TRIM35: variants seen among roughly 807,000 people sequenced by gnomAD.
The protein encoded by TRIM35 is E3 ubiquitin-protein ligase TRIM35.
TRIM35 carries 37 observed loss-of-function variants against 49.1 expected under a neutral mutation model. The ratio of observed to expected loss-of-function variants is 0.75; its 90% confidence interval spans 0.58 to 0.99. The LOEUF (loss-of-function observed/expected upper bound fraction) is 0.99. TRIM35 is among the 50% of genes least tolerant of loss of function. The pLI is 0.00. For missense variants in TRIM35, 648 were observed against 702.7 expected, an observed-to-expected ratio of 0.92 and a Z score of 0.88; for synonymous variants, 302 against 289.3, an observed-to-expected ratio of 1.04 and a Z score of -0.45.
intron 1 of TRIM35, among the ~76,000 whole-genome samples, chr8:27,303,276 T>A (rs1802715718): frequency 6.6e-6 from 1 of 152,250 alleles, no homozygotes; most frequent in Admixed American, 6.5e-5. Context: ...CCGATATGTT[T>A]GCATTTAAAT....
intron 1 of TRIM35, among the ~76,000 whole-genome samples, chr8:27,304,596 A>C (rs1802745492): frequency 1.3e-5 from 2 of 152,212 alleles, no homozygotes; most frequent in African/African-American, 4.8e-5. Context: ...TCTACCTTGC[A>C]TAGTGGTGCT....
In TRIM35 at chr8:27,285,805, C is replaced by A. The variant is rs76851225; in HGVS notation, c.*1745G>T. The A allele has an allele frequency of 2.0e-3, 323 of 160,878 alleles. 1 individual carries two copies. The highest frequency in any genetic ancestry group is 7.5e-3 in the African/African-American group (312 of 41,722). The allele number at this position is 160,878 out of a possible 1,614,324, so 10.0% of individuals were successfully genotyped here. ...ATTATATTAATGGGTGGGATAAATA[C>A]TTTACAGGAGAGGGTCACACTCTCA... On this transcript the variant is annotated 3_prime_UTR_variant, in exon 6 of 6. Transcript: ENST00000305364.
intron 2 of TRIM35, among the ~76,000 whole-genome samples, chr8:27,298,260 C>A (rs1802610007): frequency 6.6e-6 from 1 of 152,160 alleles, no homozygotes; most frequent in African/African-American, 2.4e-5. Flanking sequence ...GCTGGCATGA[C>A]CACGCCTGGG....
chr8:27,296,195 TGTGCAGGAC>T (rs1002142817), intron 2 of TRIM35, among the ~76,000 whole-genome samples: 2 of 150,052 alleles, frequency 1.3e-5, no homozygotes, highest in Non-Finnish European at 3.0e-5. Context: ...CCAGGATACA[TGTGCAGGAC>T]ATGCAGGTTT....
At chr8:27,290,101 C>A in intron 4 of TRIM35, 55 bp downstream of exon 4, 2 of 1,611,264 alleles carry the variant, frequency 1.2e-6, no homozygotes, top group Non-Finnish European at 1.7e-6. Context: ...GGAGTTTGCA[C>A]CCCTGGTATT....
chr8:27,307,893 T>C (rs771215438), intron 1 of TRIM35, among the ~76,000 whole-genome samples: 14 of 152,216 alleles, frequency 9.2e-5, no homozygotes, highest in Non-Finnish European at 1.3e-4. Flanking sequence ...CCCCAGAATC[T>C]TGTATGGCAA....
At position 27,310,924 on chromosome 8, in the gene TRIM35, G is replaced by A. The variant is rs573527374; in HGVS notation, c.312C>T (p.His104=). 1.2e-6 allele frequency: 2 copies of A among 1,612,670 alleles called. No homozygotes were observed. The highest frequency in any genetic ancestry group is 1.7e-6 in the Non-Finnish European group (2 of 1,179,812). The part of the protein sequence containing the change: ...SYRFSRVCRL[H]RGQLSLFCLE... ...GGCAGAAGAGGCTGAGCTGTCCGCG[G>A]TGCAGGCGGCAGACACGCGAGAAGC... The change falls in exon 1 of 6, where the codon CAC becomes CAT. Residue 104 remains histidine (H), a synonymous_variant. Coordinates refer to ENST00000305364, the MANE Select transcript of TRIM35 (RefSeq NM_171982.5).
At chr8:27,301,728 C>G (rs1322881910) in intron 1 of TRIM35, among the ~76,000 whole-genome samples, 1 of 151,918 alleles carries the variant, frequency 6.6e-6, no homozygotes, top group Non-Finnish European at 1.5e-5. Flanking sequence ...TAAGAAACAC[C>G]TCCCTACACT....
intron 3 of TRIM35, among the ~76,000 whole-genome samples, chr8:27,292,737 G>C (rs1325491894): frequency 1.3e-5 from 2 of 152,168 alleles, no homozygotes; most frequent in Non-Finnish European, 2.9e-5. Context: ...GGCTGCTTTT[G>C]GAGGCATGAA....
chr8:27,297,378 G>A (rs1802590891), intron 2 of TRIM35, among the ~76,000 whole-genome samples: 1 of 152,222 alleles, frequency 6.6e-6, no homozygotes, highest in Non-Finnish European at 1.5e-5. Flanking sequence ...AAACAAGGTT[G>A]CCAATCCACA....
At chr8:27,310,026 T>C (rs1317521774) in intron 1 of TRIM35, among the ~76,000 whole-genome samples, 1 of 150,318 alleles carries the variant, frequency 6.7e-6, no homozygotes, top group African/African-American at 2.4e-5. Flanking sequence ...AATATCAGAG[T>C]GCCATGGACA....
chr8:27,305,962 G>A (rs1442310756), intron 1 of TRIM35, among the ~76,000 whole-genome samples: 1 of 151,864 alleles, frequency 6.6e-6, no homozygotes, highest in African/African-American at 2.4e-5. Flanking sequence ...TCAGCCCCTC[G>A]AGTAGCTGGG....
At chr8:27,291,837 A>C (rs536773285) in intron 3 of TRIM35, among the ~76,000 whole-genome samples, 32 of 152,332 alleles carry the variant, frequency 2.1e-4, no homozygotes, top group African/African-American at 7.7e-4. Context: ...GAGACTACAC[A>C]TAAGACCAAG....
chr8:27,293,541 A>G (rs1300881984), intron 3 of TRIM35, among the ~76,000 whole-genome samples: 1 of 152,116 alleles, frequency 6.6e-6, no homozygotes, highest in Non-Finnish European at 1.5e-5. Flanking sequence ...GGCAAGAGAA[A>G]GGAAGAAAGA....
intron 3 of TRIM35, among the ~76,000 whole-genome samples, chr8:27,292,884 C>G (rs1171326143): frequency 6.6e-6 from 1 of 152,094 alleles, no homozygotes; most frequent in African/African-American, 2.4e-5. Flanking sequence ...AAAAAAGAGT[C>G]ACAAACCAAA....
At position 27,301,325 on chromosome 8, in the gene TRIM35, T is replaced by A. The variant is rs924784247; in HGVS notation, c.436-2766A>T. The stretch of plus-strand genomic sequence containing the variant: ...AGAGGAGGTAACCTTCTTGTACATG[T>A]CTCCTGGGGACACATGGGAACTCGT... On this transcript the variant is annotated intron_variant, in intron 1 of 5. Transcript: ENST00000305364. Among the ~76,000 whole-genome samples the A allele has an allele frequency of 1.5e-4, 23 of 152,298 alleles. No homozygotes were observed. In the East Asian group the frequency reaches 4.4e-3, roughly 29 times the overall value.
At position 27,301,956 on chromosome 8, in the gene TRIM35, A is replaced by G. The variant is rs539076091; in HGVS notation, c.436-3397T>C. On this transcript the variant is annotated intron_variant, in intron 1 of 5. Coordinates refer to ENST00000305364, the MANE Select transcript of TRIM35 (RefSeq NM_171982.5). ...ACCATTACTGCCCACTGGTCTGCAG[A>G]GCCACCTCTGTCTTAAATCAGACAC... Among the ~76,000 whole-genome samples the G allele has an allele frequency of 5.9e-5, 9 of 152,314 alleles. No homozygotes were observed. In the East Asian group the frequency reaches 1.3e-3, roughly 23 times the overall value.
intron 2 of TRIM35, among the ~76,000 whole-genome samples, chr8:27,295,840 G>A (rs912619332): frequency 6.6e-6 from 1 of 151,990 alleles, no homozygotes; most frequent in Non-Finnish European, 1.5e-5. Context: ...CAAAAAAATT[G>A]AGAATGATCC....
chr8:27,289,049 G>A (rs1048683217), intron 5 of TRIM35, 113 bp downstream of exon 5: 65 of 756,318 alleles, frequency 8.6e-5, no homozygotes, highest in Admixed American at 7.2e-4. Context: ...GAGAGAGGAG[G>A]GGAGCTCTGA....
Sources: allele counts gnomAD v4.1 joint callset (sites outside exome capture counted in the v4.1 genomes callset), GRCh38; gene constraint gnomAD v4.1.1; transcripts MANE v1.5; gene names NCBI Gene and HGNC (gene_info 2026-07-23, HGNC 2026-07-21).